DNAAF11: variants seen among roughly 807,000 people sequenced by gnomAD.
DNAAF11 encodes the protein leucine rich repeat containing 6.
In DNAAF11, 45 loss-of-function variants were observed where a neutral mutation model predicts 60.8. That is an observed-to-expected ratio of 0.74 (90% CI 0.58 to 0.95). The LOEUF (loss-of-function observed/expected upper bound fraction) is 0.95. Among genes scored for constraint, DNAAF11 ranks in the 40% least tolerant of loss-of-function variants. The probability of loss-of-function intolerance (pLI) is 0.00; values close to 1 mark genes in which losing one functional copy is unlikely to be tolerated. For synonymous variants in DNAAF11, 191 were observed against 183.5 expected, an observed-to-expected ratio of 1.04 and a Z score of -0.33; for missense variants, 546 against 546.2, an observed-to-expected ratio of 1.00 and a Z score of 0.00.
the DNAAF11 span, among the ~76,000 whole-genome samples, chr8:132,684,033 AC>A: frequency 1.3e-5 from 2 of 151,984 alleles, no homozygotes; most frequent in South Asian, 4.2e-4. Context: ...CCTTCTTGGC[AC>A]TCCATGGCAC....
intron 10 of DNAAF11, among the ~76,000 whole-genome samples, chr8:132,589,011 C>G (rs1816193054): frequency 6.6e-6 from 1 of 152,184 alleles, no homozygotes. Flanking sequence ...TCCCACCAGG[C>G]CCCATCTCCA....
At chr8:132,692,859 T>C in the DNAAF11 span, among the ~76,000 whole-genome samples, 3 of 152,232 alleles carry the variant, frequency 2.0e-5, no homozygotes, top group South Asian at 2.1e-4. Context: ...TCGTGTATGA[T>C]GGCAGAAGGA....
intron 8 of DNAAF11, among the ~76,000 whole-genome samples, chr8:132,611,891 C>T (rs1818704406): frequency 6.6e-6 from 1 of 152,158 alleles, no homozygotes; most frequent in South Asian, 2.1e-4. Flanking sequence ...ACCCCAAGAT[C>T]AGGTGGCAAT....
intron 10 of DNAAF11, among the ~76,000 whole-genome samples, chr8:132,587,104 T>G (rs1815986265): frequency 6.6e-6 from 1 of 152,208 alleles, no homozygotes. Flanking sequence ...TATGCATAAT[T>G]AGAGCCTTAA....
At chr8:132,641,053 G>T (rs1215363673) in intron 3 of DNAAF11, among the ~76,000 whole-genome samples, 2 of 152,000 alleles carry the variant, frequency 1.3e-5, no homozygotes, top group African/African-American at 4.8e-5. Context: ...AAATAAATTG[G>T]GGGAGAAGGC....
intron 7 of DNAAF11, among the ~76,000 whole-genome samples, chr8:132,617,548 G>C (rs923621905): frequency 6.6e-6 from 1 of 152,180 alleles, no homozygotes; most frequent in Non-Finnish European, 1.5e-5. Context: ...TTTAGGCTGA[G>C]ACAATGGGGT....
At chr8:132,648,992 C>T (rs962107996) in intron 3 of DNAAF11, among the ~76,000 whole-genome samples, 3 of 152,152 alleles carry the variant, frequency 2.0e-5, no homozygotes, top group Non-Finnish European at 4.4e-5. Flanking sequence ...ACTTTCTTCA[C>T]AGAATTGGAA....
Position 132,602,768 on chromosome 8 carries a change from T to TATATAC in DNAAF11, c.1140+7397_1140+7398insGTATAT, listed in dbSNP as rs1491214082. Among the ~76,000 whole-genome samples the TATATAC allele has an allele frequency of 1.1e-4, 16 of 146,722 alleles. No homozygotes were observed. The South Asian group carries it at 1.3e-3, about 12-fold the overall frequency. On this transcript the variant is annotated intron_variant, in intron 10 of 11. Transcript: ENST00000620350. ...AAATATATATATATATATATATATATACACACAGCACACATACATACATAT... is the reference window on the plus strand; with the variant it reads ...AAATATATATATATATATATATATATATATACACACACAGCACACATACATACATAT...
intron 10 of DNAAF11, among the ~76,000 whole-genome samples, chr8:132,594,079 G>A (rs148847810): frequency 1.4e-4 from 22 of 152,028 alleles, no homozygotes; most frequent in Admixed American, 2.0e-4. Flanking sequence ...CAAATAATAA[G>A]CAGAATAAAA....
intron 1 of DNAAF11, among the ~76,000 whole-genome samples, chr8:132,673,066 G>C (rs781544152): frequency 6.6e-6 from 1 of 152,146 alleles, no homozygotes; most frequent in Non-Finnish European, 1.5e-5. Flanking sequence ...TGGGAAGCAC[G>C]GGGGAGAGAG....
rs16904714 is a variant in DNAAF11 at position 132,625,216 on chromosome 8, A to G, written c.836+56T>C. The G allele has an allele frequency of 0.027, 35,629 of 1,342,458 alleles. 3,191 individuals are homozygous for G. In the African/African-American group the frequency reaches 0.29, roughly 11 times the overall value. The allele number at this position is 1,342,458 out of a possible 1,614,324, so 83.2% of individuals were successfully genotyped here. A position where few individuals can be genotyped will look rare whatever the true frequency, so the allele number is the denominator to read the frequency against. ...AATGGGTCAAAAAATGGGCAATCAT[A>G]AAAATATAGTTGATAAGTGGCTACT... On this transcript the variant is annotated intron_variant, in intron 6 of 11. Transcript: ENST00000620350.
chr8:132,600,341 T>C (rs1817478884), intron 10 of DNAAF11, among the ~76,000 whole-genome samples: 1 of 152,146 alleles, frequency 6.6e-6, no homozygotes, highest in African/African-American at 2.4e-5. Context: ...AAAATGGCCA[T>C]ACTGCCCAAG....
intron 5 of DNAAF11, among the ~76,000 whole-genome samples, chr8:132,626,988 A>G (rs985504374): frequency 3.9e-5 from 6 of 152,232 alleles, no homozygotes; most frequent in African/African-American, 1.4e-4. Context: ...AAGTAGCATC[A>G]ATAGAATATA....
intron 10 of DNAAF11, among the ~76,000 whole-genome samples, chr8:132,607,366 G>A (rs59041441): frequency 7.9e-5 from 12 of 152,134 alleles, no homozygotes; most frequent in South Asian, 4.2e-4. Flanking sequence ...GTATGCCATC[G>A]ACCCAGTGGT....
intron 9 of DNAAF11, among the ~76,000 whole-genome samples, 197 bp downstream of exon 9, chr8:132,611,097 T>C (rs1405132102): frequency 6.6e-6 from 1 of 152,200 alleles, no homozygotes; most frequent in Non-Finnish European, 1.5e-5. Flanking sequence ...TTTCACCATG[T>C]TGCCCAGACT....
intron 10 of DNAAF11, among the ~76,000 whole-genome samples, chr8:132,601,545 T>C (rs1485238454): frequency 3.3e-5 from 5 of 152,172 alleles, no homozygotes; most frequent in African/African-American, 1.2e-4. Context: ...AATGATAGAC[T>C]GGATTAAGAA....
chr8:132,702,587 T>C, the DNAAF11 span, among the ~76,000 whole-genome samples: 7 of 152,184 alleles, frequency 4.6e-5, no homozygotes, highest in Non-Finnish European at 1.0e-4. Context: ...ACAATAATAA[T>C]GATAATAATA....
intron 3 of DNAAF11, among the ~76,000 whole-genome samples, chr8:132,647,038 T>C (rs1387108804): frequency 6.6e-6 from 1 of 152,200 alleles, no homozygotes. Context: ...CGACAGAATA[T>C]ACATTCTTCT....
At chr8:132,697,195 G>A in the DNAAF11 span, among the ~76,000 whole-genome samples, 1 of 152,196 alleles carries the variant, frequency 6.6e-6, no homozygotes, top group Admixed American at 6.5e-5. Context: ...GACTGCAAAT[G>A]GCAGAGGGAT....
Sources: allele counts gnomAD v4.1 joint callset (sites outside exome capture counted in the v4.1 genomes callset), GRCh38; gene constraint gnomAD v4.1.1; transcripts MANE v1.5; gene names NCBI Gene and HGNC (gene_info 2026-07-23, HGNC 2026-07-21).